Variants in ZNF343 observed in about 807,000 individuals in gnomAD.
ZNF343 encodes the protein zinc finger protein 343.
In ZNF343, 11 loss-of-function variants were observed where a neutral mutation model predicts 13.8. That is an observed-to-expected ratio of 0.80 (90% confidence interval 0.50 to 1.32). The LOEUF is 1.32. ZNF343 is among the 40% of genes most tolerant of loss of function. The pLI is 0.00. For missense variants in ZNF343, 658 were observed against 714.2 expected, an observed-to-expected ratio of 0.92 and a Z score of 0.90; for synonymous variants, 248 against 260.0, an observed-to-expected ratio of 0.95 and a Z score of 0.44.
upstream of ZNF343, among the ~76,000 whole-genome samples, chr20:2,512,682 A>T (rs537341038): frequency 6.6e-6 from 1 of 152,226 alleles, no homozygotes; most frequent in Non-Finnish European, 1.5e-5. Flanking sequence ...ATAAAGATCT[A>T]AATATAAAAG....
upstream of ZNF343, among the ~76,000 whole-genome samples, chr20:2,512,919 C>CAAA (rs71193970): frequency 8.0e-6 from 1 of 125,354 alleles, no homozygotes; most frequent in Non-Finnish European, 1.7e-5. Context: ...ATTTCTCTAC[C>CAAA]AAAAAAAAAA....
intron 1 of ZNF343, among the ~76,000 whole-genome samples, chr20:2,521,083 A>T (rs1416540113): frequency 6.6e-6 from 1 of 152,246 alleles, no homozygotes; most frequent in Non-Finnish European, 1.5e-5. Flanking sequence ...AGTGGTGAGG[A>T]CATAGCATCT....
At chr20:2,484,704 GAGTTGTTCTGC>G (rs771748075) in intron 5 of ZNF343, 48 bp from the exon 6 acceptor site, 2 of 1,513,534 alleles carry the variant, frequency 1.3e-6, no homozygotes, top group South Asian at 2.6e-5. Flanking sequence ...TAGGGCTGCT[GAGTTGTTCTGC>G]CTTGTCTTAG....
chr20:2,521,577 G>A (rs75003407), intron 1 of ZNF343, among the ~76,000 whole-genome samples: 1 of 152,232 alleles, frequency 6.6e-6, no homozygotes, highest in Non-Finnish European at 1.5e-5. Flanking sequence ...GGTGTGGGTA[G>A]TGGGATGTAG....
chr20:2,493,856 A>G lies in ZNF343; in HGVS notation c.40T>C (p.Trp14Arg). 6.2e-6 allele frequency: 10 copies of G among 1,614,022 alleles called. No individual in the cohort carries two copies. The highest frequency in any genetic ancestry group is 6.8e-6 in the Non-Finnish European group (8 of 1,179,944). Residue 14 changes from tryptophan (W) to arginine (R), a missense_variant, in exon 3 of 6, where the codon TGG (tryptophan) becomes CGG (arginine). Trp to Arg is a moderately radical substitution (Grantham distance 101). Transcript: ENST00000278772. ...TTCTTTGGAAGCAAAATCTCTTCCC[A>G]GTATTGATCTCCCAGTGCTGAAGGA... ...PYPSALGDQY[W>R]EEILLPKNGE...
At chr20:2,491,935 C>T (rs1481727142) in intron 5 of ZNF343, 2 of 152,524 alleles carry the variant, frequency 1.3e-5, no homozygotes, top group African/African-American at 4.8e-5. Flanking sequence ...CTCACTGCAA[C>T]CTCTGACTCC....
At chr20:2,501,058 G>T (rs980603582) in intron 1 of ZNF343, among the ~76,000 whole-genome samples, 3 of 152,152 alleles carry the variant, frequency 2.0e-5, no homozygotes, top group Non-Finnish European at 4.4e-5. Context: ...TCCTTTCCTA[G>T]TCAAAGAAAG....
intron 1 of ZNF343, among the ~76,000 whole-genome samples, chr20:2,507,917 T>C (rs2122731728): frequency 6.6e-6 from 1 of 152,102 alleles, no homozygotes. Flanking sequence ...CCGTCAGAGT[T>C]CCCCACCAGA....
chr20:2,509,048 T>C (rs2085717598), upstream of ZNF343: 1 of 152,312 alleles, frequency 6.6e-6, no homozygotes, highest in South Asian at 2.1e-4. Flanking sequence ...CTCCGTCTCT[T>C]CTTAAAATAC....
At chr20:2,516,849 G>A (rs374108400) in intron 1 of ZNF343, among the ~76,000 whole-genome samples, 1 of 152,132 alleles carries the variant, frequency 6.6e-6, no homozygotes, top group African/African-American at 2.4e-5. Context: ...AGGCCAGAAA[G>A]TGTTAGGGTA....
intron 5 of ZNF343, 74 bp from the exon 6 acceptor site, chr20:2,484,730 G>C (rs2085256372): frequency 7.1e-6 from 10 of 1,400,878 alleles, no homozygotes; most frequent in Non-Finnish European, 7.7e-6. Flanking sequence ...TCTTAGGACA[G>C]AGAATGTTTT....
In ZNF343 at chr20:2,484,096, G is replaced by A. The variant is rs187274947; in HGVS notation, c.865C>T (p.Arg289Cys). 29 of 1,614,154 alleles carry A rather than the reference G, an allele frequency of 1.8e-5. No homozygotes were observed. In the East Asian group the frequency reaches 2.5e-4, roughly 14 times the overall value. ...KDRSTLIRHH[R>C]IHSMEKPYVC... The stretch of plus-strand genomic sequence containing the variant: ...TAAGGCTTCTCCATCGAGTGTATAC[G>A]ATGGTGTCTGATGAGGGTTGATCTA... The change falls in exon 6 of 6, where the codon CGT becomes TGT. Residue 289 changes from arginine to cysteine, a missense_variant. Transcript: ENST00000278772.
chr20:2,499,180 C>G (rs2085512609), intron 2 of ZNF343, among the ~76,000 whole-genome samples: 1 of 149,886 alleles, frequency 6.7e-6, no homozygotes, highest in Admixed American at 6.6e-5. Flanking sequence ...AAGAAATGGC[C>G]CTCTTCCGGG....
chr20:2,523,580 C>T (rs2085791637), intron 1 of ZNF343, among the ~76,000 whole-genome samples: 1 of 151,916 alleles, frequency 6.6e-6, no homozygotes, highest in African/African-American at 2.4e-5. Context: ...AACAACTTCC[C>T]TGCCTTACTG....
At chr20:2,486,848 T>C (rs1468437151) in intron 5 of ZNF343, 1 of 152,070 alleles carries the variant, frequency 6.6e-6, no homozygotes. Context: ...CAAAATATAG[T>C]CCATATAGTT....
upstream of ZNF343, among the ~76,000 whole-genome samples, chr20:2,511,657 T>C (rs1422165853): frequency 1.3e-5 from 2 of 152,228 alleles, no homozygotes; most frequent in Non-Finnish European, 2.9e-5. Context: ...ATAAAATTCA[T>C]CTAAAAATGA....
intron 2 of ZNF343, among the ~76,000 whole-genome samples, chr20:2,499,229 G>C (rs1013406794): frequency 2.7e-5 from 4 of 146,440 alleles, no homozygotes; most frequent in Admixed American, 2.7e-4. Context: ...ACTTTGGGAG[G>C]CCGAGGTGGG....
At position 2,508,407 on chromosome 20, in the gene ZNF343, T is replaced by C. The variant is rs1275765639; in HGVS notation, c.-237+474A>G. On this transcript the variant is annotated intron_variant, in intron 1 of 5. Transcript: ENST00000278772. The surrounding 1 kb of genome is among the most constrained non-coding windows in gnomAD (Gnocchi z 4.5). Reference sequence around the variant, plus strand: ...CCCAAAAAACAGAAAAACTCGGTGATGCAGGACTCAAGACGCTCCCCAGCC... The same window carrying C: ...CCCAAAAAACAGAAAAACTCGGTGACGCAGGACTCAAGACGCTCCCCAGCC... Among the ~76,000 whole-genome samples, 1 of 151,856 alleles carries C rather than the reference T, an allele frequency of 6.6e-6. No individual in the cohort carries two copies. Among genetic ancestry groups the C allele is most frequent in the Non-Finnish European group, 1.5e-5 (1 of 67,980 alleles).
intron 2 of ZNF343, chr20:2,495,639 T>C (rs575346562): frequency 1.3e-5 from 2 of 152,076 alleles, no homozygotes; most frequent in Admixed American, 6.6e-5. Context: ...CTAACAGTTA[T>C]AAAGCAAGAT....
Sources: gnomAD v4.1 joint callset for allele counts (sites outside exome capture counted in the v4.1 genomes callset) on GRCh38, gnomAD v4.1.1 for gene constraint, Gnocchi (gnomAD v3.1) non-coding constraint, MANE v1.5 for transcripts, NCBI Gene and HGNC (gene_info 2026-07-23, HGNC 2026-07-21) for gene names.